FMN2: variants seen among roughly 807,000 people sequenced by gnomAD.
FMN2 encodes formin-2.
A neutral mutation model predicts 142.3 loss-of-function variants in FMN2; 51 were observed. The ratio of observed to expected loss-of-function variants is 0.36; its 90% confidence interval spans 0.29 to 0.45. FMN2 has a LOEUF of 0.45. Among genes scored for constraint, FMN2 ranks in the 20% least tolerant of loss-of-function variants. The probability of loss-of-function intolerance (pLI) is 1.00; values close to 1 mark genes in which losing one functional copy is unlikely to be tolerated. For synonymous variants in FMN2, 882 were observed against 869.8 expected (o/e 1.01, Z -0.25); for missense variants, 1,936 against 2,122.8 (o/e 0.91, Z 1.73).
At chr1:240,389,309 A>G (rs907059742) in intron 14 of FMN2, among the ~76,000 whole-genome samples, 1 of 152,226 alleles carries the variant, frequency 6.6e-6, no homozygotes. Context: ...AAAACAATAC[A>G]TGTATAAATA....
intron 6 of FMN2, among the ~76,000 whole-genome samples, chr1:240,251,960 G>A (rs1419056662): frequency 6.6e-6 from 1 of 152,130 alleles, no homozygotes; most frequent in Non-Finnish European, 1.5e-5. Flanking sequence ...CTAGGCTGGA[G>A]GGCAGTGACG....
chr1:240,171,355 G>A (rs2103310958), intron 2 of FMN2: 1 of 606,760 alleles, frequency 1.6e-6, no homozygotes, highest in East Asian at 2.7e-5. Flanking sequence ...CTAACAGGCA[G>A]AGAGAAGCGC....
intron 8 of FMN2, among the ~76,000 whole-genome samples, chr1:240,313,081 T>C (rs939493842): frequency 2.6e-5 from 4 of 152,226 alleles, no homozygotes; most frequent in Non-Finnish European, 4.4e-5. Context: ...CACTTCCTAT[T>C]GCAACATTTG....
At chr1:240,250,159 G>A (rs954731903) in intron 6 of FMN2, among the ~76,000 whole-genome samples, 4 of 152,116 alleles carry the variant, frequency 2.6e-5, no homozygotes, top group Admixed American at 2.6e-4. Context: ...GAGCATCCTT[G>A]TCTTGTTCCA....
intron 15 of FMN2, 124 bp from the exon 16 acceptor site, chr1:240,437,937 A>AGCTTGAGT (rs1675458001): frequency 8.2e-7 from 1 of 1,212,394 alleles, no homozygotes; most frequent in African/African-American, 1.5e-5. Flanking sequence ...GTGCTTGAAG[A>AGCTTGAGT]GCTTGAGTCC....
chr1:240,397,625 C>A (rs954792308), intron 15 of FMN2, among the ~76,000 whole-genome samples: 1 of 151,612 alleles, frequency 6.6e-6, no homozygotes, highest in African/African-American at 2.4e-5. Context: ...CCTGTCTCTA[C>A]TAAAAATACA....
At chr1:240,135,009 A>G (rs2103240660) in intron 2 of FMN2, among the ~76,000 whole-genome samples, 1 of 152,300 alleles carries the variant, frequency 6.6e-6, no homozygotes, top group East Asian at 1.9e-4. Context: ...TCCCTAGGTC[A>G]GTCTGTGGAA....
chr1:240,374,728 A>G (rs992530582), intron 14 of FMN2, among the ~76,000 whole-genome samples: 16 of 152,288 alleles, frequency 1.1e-4, no homozygotes, highest in African/African-American at 3.6e-4. Flanking sequence ...TCCATCAGCA[A>G]TAATGTTGTT....
At chr1:240,221,632 A>C (rs893324131) in intron 6 of FMN2, among the ~76,000 whole-genome samples, 1 of 151,984 alleles carries the variant, frequency 6.6e-6, no homozygotes, top group African/African-American at 2.4e-5. Flanking sequence ...TCTGGATATT[A>C]GCCCTTTTGT....
chr1:240,377,915 G>A (rs1673099533), intron 14 of FMN2, among the ~76,000 whole-genome samples: 1 of 151,526 alleles, frequency 6.6e-6, no homozygotes, highest in East Asian at 1.9e-4. Flanking sequence ...TTCATAGCTG[G>A]GGATTGGGAC....
intron 13 of FMN2, among the ~76,000 whole-genome samples, chr1:240,343,283 C>A (rs926670114): frequency 6.6e-6 from 1 of 152,176 alleles, no homozygotes; most frequent in Non-Finnish European, 1.5e-5. Context: ...CTCATTTAAT[C>A]CCTATGCCAT....
At chr1:240,260,419 T>C (rs1668587047) in intron 7 of FMN2, among the ~76,000 whole-genome samples, 2 of 152,094 alleles carry the variant, frequency 1.3e-5, no homozygotes, top group African/African-American at 4.8e-5. Flanking sequence ...CATCTATTAT[T>C]TTTTTATTTT....
At chr1:240,270,642 C>T (rs367890835) in intron 7 of FMN2, among the ~76,000 whole-genome samples, 3 of 151,836 alleles carry the variant, frequency 2.0e-5, no homozygotes, top group Non-Finnish European at 2.9e-5. Context: ...TATATATATA[C>T]ACAATGAAAT....
chr1:240,359,019 G>A lies in FMN2; in HGVS notation c.4858+3111G>A, dbSNP rs192743826. On this transcript the variant is annotated intron_variant, in intron 14 of 17. Coordinates refer to ENST00000319653, the MANE Select transcript of FMN2 (RefSeq NM_020066.5). ...GCACACCTGTAATCCCAGCTACTCA[G>A]GAGACTGAGGCATGAGAATCACTTG... is the stretch of plus-strand genomic sequence containing the variant. Among the ~76,000 whole-genome samples the A allele has an allele frequency of 5.4e-3, 817 of 152,236 alleles. 2 individuals carry two copies. Among genetic ancestry groups the A allele is most frequent in the South Asian group, 0.023 (111 of 4,816 alleles).
intron 2 of FMN2, among the ~76,000 whole-genome samples, chr1:240,168,143 A>G (rs79940586): frequency 2.0e-5 from 3 of 152,330 alleles, no homozygotes; most frequent in African/African-American, 7.2e-5. Context: ...CCCTCTCAAA[A>G]CAATTCTATA....
chr1:240,421,017 A>G (rs1572290030), intron 15 of FMN2, among the ~76,000 whole-genome samples: 2 of 152,364 alleles, frequency 1.3e-5, no homozygotes, highest in East Asian at 3.9e-4. Flanking sequence ...CTTGGACTGC[A>G]GTGCAATTAT....
In FMN2 at chr1:240,395,326, G is replaced by A. The variant is rs575903514; in HGVS notation, c.4910+2764G>A. 1.2e-4 allele frequency among the ~76,000 whole-genome samples: 18 copies of A among 152,304 alleles called. No homozygotes were observed. In the South Asian group the frequency reaches 2.1e-3, roughly 18 times the overall value. On this transcript the variant is annotated intron_variant, in intron 15 of 17. Transcript: ENST00000319653. ...AGATGTACAAAGAGAATCACGTTTC[G>A]ATGCCTGCTAACACAGCATTCATTT...
chr1:240,386,064 A>G (rs1156816347), intron 14 of FMN2, among the ~76,000 whole-genome samples: 1 of 152,212 alleles, frequency 6.6e-6, no homozygotes, highest in South Asian at 2.1e-4. Flanking sequence ...GAGAAGGAAG[A>G]TGCATTGGGA....
At chr1:240,241,776 A>G (rs1667904067) in intron 6 of FMN2, among the ~76,000 whole-genome samples, 1 of 149,226 alleles carries the variant, frequency 6.7e-6, no homozygotes. Context: ...AAGTGTGGCT[A>G]ATCTTGTAGG....
Sources: gnomAD v4.1 joint callset for allele counts (sites outside exome capture counted in the v4.1 genomes callset) on GRCh38, gnomAD v4.1.1 for gene constraint, MANE v1.5 for transcripts, NCBI Gene and HGNC (gene_info 2026-07-23, HGNC 2026-07-21) for gene names.